Variants in SPTLC3 observed in about 807,000 individuals in gnomAD.
The protein encoded by SPTLC3 is serine palmitoyltransferase 3.
SPTLC3 carries 36 observed loss-of-function variants against 59.3 expected under a neutral mutation model. The observed-to-expected ratio is 0.61, with a 90% CI of 0.47 to 0.80. The LOEUF is 0.80. Ranked by LOEUF, SPTLC3 falls within the 30% of genes least tolerant of loss-of-function variation. The pLI is 0.00. For missense variants in SPTLC3, 625 were observed against 685.1 expected (o/e 0.91, Z 0.98); for synonymous variants, 257 against 240.8 (o/e 1.07, Z -0.62).
Position 13,009,170 on chromosome 20 carries a change from C to T in SPTLC3, c.-98C>T. 1 of 879,788 alleles carries T rather than the reference C, an allele frequency of 1.1e-6. No homozygotes were observed. The highest frequency in any genetic ancestry group is 1.8e-6 in the Non-Finnish European group (1 of 548,538). 54.5% of individuals were successfully genotyped at this position (879,788 alleles called of 1,614,324 possible). ...TGGTAAGATTCCTTTAAGGGCTCAGCCCCAAAGAGCTTTATCCCATCCCCT... is the reference window on the plus strand; with the variant it reads ...TGGTAAGATTCCTTTAAGGGCTCAGTCCCAAAGAGCTTTATCCCATCCCCT... On this transcript the variant is annotated 5_prime_UTR_variant, in exon 1 of 12. Transcript: ENST00000399002.
intron 10 of SPTLC3, among the ~76,000 whole-genome samples, chr20:13,158,280 T>A (rs1047197157): frequency 6.6e-6 from 1 of 152,194 alleles, no homozygotes; most frequent in Non-Finnish European, 1.5e-5. Flanking sequence ...GCTCATTATA[T>A]AAAATTTCCA....
intron 1 of SPTLC3, among the ~76,000 whole-genome samples, chr20:13,018,029 C>A (rs1212496168): frequency 6.6e-6 from 1 of 152,170 alleles, no homozygotes; most frequent in African/African-American, 2.4e-5. Context: ...AGCTGAGATG[C>A]AGTACCAACT....
At chr20:13,038,102 G>A (rs1266660637) in intron 1 of SPTLC3, among the ~76,000 whole-genome samples, 1 of 149,456 alleles carries the variant, frequency 6.7e-6, no homozygotes, top group Non-Finnish European at 1.5e-5. Flanking sequence ...GCCATATGGT[G>A]TGTAAAAATC....
intron 6 of SPTLC3, among the ~76,000 whole-genome samples, chr20:13,107,742 G>A (rs1989982915): frequency 6.6e-6 from 1 of 150,948 alleles, no homozygotes; most frequent in Non-Finnish European, 1.5e-5. Context: ...GTTAGTTTCT[G>A]GCTAGTGATT....
chr20:13,035,847 T>C (rs1228965291), intron 1 of SPTLC3, among the ~76,000 whole-genome samples: 1 of 152,164 alleles, frequency 6.6e-6, no homozygotes, highest in Non-Finnish European at 1.5e-5. Context: ...ACTCATTTCT[T>C]AAAATCTCCA....
intron 8 of SPTLC3, among the ~76,000 whole-genome samples, chr20:13,120,634 A>G (rs1395689776): frequency 6.6e-6 from 1 of 152,206 alleles, no homozygotes; most frequent in Non-Finnish European, 1.5e-5. Flanking sequence ...AGTTTTATAT[A>G]TTAGCAACCA....
rs149220539 is a variant in SPTLC3 at position 13,101,558 on chromosome 20, C to T, written c.826+7981C>T. Among the ~76,000 whole-genome samples the T allele has an allele frequency of 1.9e-3, 288 of 152,320 alleles. 2 individuals carry two copies. Among genetic ancestry groups the T allele is most frequent in the Non-Finnish European group, 2.7e-3 (185 of 68,040 alleles). On this transcript the variant is annotated intron_variant, in intron 6 of 11. Coordinates refer to ENST00000399002, the MANE Select transcript of SPTLC3 (RefSeq NM_018327.4). ...TTCAGGGACATAGCCAACCCTCAGGCTGCCCTTGTGCTATCCAGCCATTCT... is the reference window on the plus strand; with the variant it reads ...TTCAGGGACATAGCCAACCCTCAGGTTGCCCTTGTGCTATCCAGCCATTCT...
intron 2 of SPTLC3, among the ~76,000 whole-genome samples, chr20:13,059,107 A>G (rs576763071): frequency 1.3e-5 from 2 of 152,264 alleles, no homozygotes; most frequent in South Asian, 2.1e-4. Context: ...CCAGGTCACA[A>G]TGCTCCTATA....
chr20:13,092,169 A>G (rs2122629837), intron 5 of SPTLC3, among the ~76,000 whole-genome samples: 1 of 152,342 alleles, frequency 6.6e-6, no homozygotes, highest in Middle Eastern at 3.4e-3. Flanking sequence ...GGACACGAAG[A>G]GGGAACAGCA....
chr20:13,100,745 C>T (rs988782032), intron 6 of SPTLC3, among the ~76,000 whole-genome samples: 1 of 152,130 alleles, frequency 6.6e-6, no homozygotes, highest in African/African-American at 2.4e-5. Context: ...TAACAGCAAC[C>T]CAGATACAGA....
chr20:13,032,578 GC>G (rs1046689656), intron 1 of SPTLC3, among the ~76,000 whole-genome samples: 14 of 152,274 alleles, frequency 9.2e-5, no homozygotes, highest in African/African-American at 2.9e-4. Flanking sequence ...ACCAATGGGT[GC>G]CCACACTGGT....
intron 1 of SPTLC3, among the ~76,000 whole-genome samples, chr20:13,040,106 T>C (rs1228602830): frequency 6.6e-6 from 1 of 151,410 alleles, no homozygotes; most frequent in African/African-American, 2.4e-5. Context: ...AAGAAAGAGT[T>C]TGTTACATCA....
At chr20:13,132,157 C>T (rs986816534) in intron 9 of SPTLC3, among the ~76,000 whole-genome samples, 6 of 151,108 alleles carry the variant, frequency 4.0e-5, no homozygotes, top group Non-Finnish European at 8.8e-5. Context: ...TCTAATTCTC[C>T]TCACCTTGCT....
At chr20:13,162,937 C>T (rs77575143) in intron 11 of SPTLC3, among the ~76,000 whole-genome samples, 2,169 of 152,246 alleles carry the variant, frequency 0.014, 25 homozygotes, top group South Asian at 0.026. Flanking sequence ...AAACCTAACT[C>T]TGAGCACGAG....
intron 2 of SPTLC3, among the ~76,000 whole-genome samples, chr20:13,052,700 G>A (rs186048535): frequency 6.6e-6 from 1 of 152,158 alleles, no homozygotes; most frequent in African/African-American, 2.4e-5. Context: ...CTCAAGCTCA[G>A]TAGCAGGAGG....
At chr20:13,091,953 A>G (rs1030702020) in intron 5 of SPTLC3, among the ~76,000 whole-genome samples, 7 of 152,230 alleles carry the variant, frequency 4.6e-5, no homozygotes, top group African/African-American at 1.7e-4. Context: ...AACAAGACCT[A>G]TGTATTTTAA....
chr20:13,032,131 A>T (rs79801914), intron 1 of SPTLC3, among the ~76,000 whole-genome samples: 8,394 of 152,286 alleles, frequency 0.055, 274 homozygotes, highest in South Asian at 0.083. Flanking sequence ...TCAGAGATAT[A>T]AAACCAATAG....
intron 9 of SPTLC3, among the ~76,000 whole-genome samples, chr20:13,148,199 G>T (rs1465336806): frequency 1.3e-5 from 2 of 152,178 alleles, no homozygotes; most frequent in African/African-American, 4.8e-5. Context: ...TTAGGCAACT[G>T]CAAAGCTTTG....
chr20:13,168,742 T>C lies in SPTLC3; in HGVS notation c.*3875T>C, dbSNP rs952784303. 1.3e-5 allele frequency: 2 copies of C among 152,170 alleles called. No homozygotes were observed. The highest frequency in any genetic ancestry group is 2.9e-5 in the Non-Finnish European group (2 of 68,014). 9.4% of individuals were successfully genotyped at this position (152,170 alleles called of 1,614,324 possible). A position where few individuals can be genotyped will look rare whatever the true frequency, so the allele number is the denominator to read the frequency against. On this transcript the variant is annotated 3_prime_UTR_variant, in exon 12 of 12. Transcript: ENST00000399002. ...TTTGATTTATAGCAATAATAACAAT[T>C]GTAACAACAGCAATTAAGAACAGCA...
Sources: gnomAD v4.1 joint callset for allele counts (sites outside exome capture counted in the v4.1 genomes callset) on GRCh38, gnomAD v4.1.1 for gene constraint, MANE v1.5 for transcripts, NCBI Gene and HGNC (gene_info 2026-07-23, HGNC 2026-07-21) for gene names.